The following FGF10 variants were observed in gnomAD, a reference collection of about 807,000 sequenced individuals.
FGF10 encodes the protein FGF-10.
A neutral mutation model predicts 19.8 loss-of-function variants in FGF10; 2 were observed. That is an observed-to-expected ratio of 0.10 (90% CI 0.04 to 0.32). FGF10 has a LOEUF of 0.32. Ranked by LOEUF, FGF10 falls within the 10% of genes least tolerant of loss-of-function variation. The pLI is 1.00. For synonymous variants in FGF10, 112 were observed against 94.0 expected, an observed-to-expected ratio of 1.19 and a Z score of -1.10; for missense variants, 191 against 246.3, an observed-to-expected ratio of 0.78 and a Z score of 1.50.
intron 1 of FGF10, among the ~76,000 whole-genome samples, chr5:44,318,383 C>A (rs1171615402): frequency 6.6e-6 from 1 of 152,148 alleles, no homozygotes; most frequent in Non-Finnish European, 1.5e-5. Context: ...TCTTTCCCCT[C>A]ATTTCCTTTA....
chr5:44,331,557 G>T (rs914678633), intron 1 of FGF10, among the ~76,000 whole-genome samples: 25 of 152,050 alleles, frequency 1.6e-4, no homozygotes, highest in Non-Finnish European at 3.2e-4. Flanking sequence ...TCTTTAAAAG[G>T]TCATTTTAAA....
At chr5:44,360,606 T>A (rs1402881940) in intron 1 of FGF10, among the ~76,000 whole-genome samples, 2 of 151,806 alleles carry the variant, frequency 1.3e-5, no homozygotes, top group East Asian at 3.9e-4. Context: ...ATTTTATATG[T>A]CATTTCTTTT....
chr5:44,321,908 G>A (rs528075796), intron 1 of FGF10, among the ~76,000 whole-genome samples: 1 of 152,164 alleles, frequency 6.6e-6, no homozygotes, highest in African/African-American at 2.4e-5. Context: ...ATTATAGGGT[G>A]CCCATCACCA....
At chr5:44,319,455 T>C (rs981569122) in intron 1 of FGF10, among the ~76,000 whole-genome samples, 4 of 152,148 alleles carry the variant, frequency 2.6e-5, no homozygotes, top group Non-Finnish European at 4.4e-5. Flanking sequence ...TGATATTGGG[T>C]TTCCTGTAAG....
At chr5:44,324,430 AACGTACCTGGGTTC>A (rs1740565583) in intron 1 of FGF10, among the ~76,000 whole-genome samples, 1 of 152,162 alleles carries the variant, frequency 6.6e-6, no homozygotes, top group Admixed American at 6.5e-5. Flanking sequence ...ACTTCTTTTT[AACGTACCTGGGTTC>A]AGCTAGATAA....
At chr5:44,343,125 A>G (rs1288054727) in intron 1 of FGF10, among the ~76,000 whole-genome samples, 1 of 152,006 alleles carries the variant, frequency 6.6e-6, no homozygotes, top group African/African-American at 2.4e-5. Flanking sequence ...TACAAAAATA[A>G]TTTTTCATTT....
At chr5:44,378,778 TC>T (rs1276070225) in intron 1 of FGF10, among the ~76,000 whole-genome samples, 3 of 152,194 alleles carry the variant, frequency 2.0e-5, no homozygotes, top group Non-Finnish European at 4.4e-5. Context: ...CCTTCCTGCC[TC>T]TTTCCTCAAT....
rs1025328168 is a variant in FGF10, at chr5:44,302,263, C to T, written c.*2732G>A. ...TCTCCTTCCTTCCCTCCCTTCTTTCCTTCCTTCCTTCTTTCCTTGCTTCCT... is the reference window on the plus strand; with the variant it reads ...TCTCCTTCCTTCCCTCCCTTCTTTCTTTCCTTCCTTCTTTCCTTGCTTCCT... On this transcript the variant is annotated 3_prime_UTR_variant, in exon 3 of 3. Coordinates refer to ENST00000264664, the MANE Select transcript of FGF10 (RefSeq NM_004465.2). Among the ~76,000 whole-genome samples, 2 of 148,962 alleles carry T rather than the reference C, an allele frequency of 1.3e-5. No individual in the cohort carries two copies. The highest frequency in any genetic ancestry group is 5.0e-5 in the African/African-American group (2 of 40,138).
intron 1 of FGF10, among the ~76,000 whole-genome samples, chr5:44,326,896 G>A (rs75008437): frequency 0.18 from 27,602 of 152,002 alleles, 2,810 homozygotes; most frequent in Admixed American, 0.3. Flanking sequence ...AGAAGTGCTC[G>A]GTGTTCTTTC....
At chr5:44,344,417 G>A (rs1333161658) in intron 1 of FGF10, among the ~76,000 whole-genome samples, 1 of 151,838 alleles carries the variant, frequency 6.6e-6, no homozygotes, top group Non-Finnish European at 1.5e-5. Context: ...TGTGTCATTT[G>A]AAAGTTGTTA....
intron 1 of FGF10, among the ~76,000 whole-genome samples, chr5:44,320,867 G>A (rs12518964): frequency 0.026 from 3,991 of 151,838 alleles, 129 homozygotes; most frequent in East Asian, 0.1. Flanking sequence ...GGCATGTGCC[G>A]CCATGCCTGA....
At chr5:44,307,861 C>CA (rs948630047) in intron 2 of FGF10, among the ~76,000 whole-genome samples, 6 of 152,032 alleles carry the variant, frequency 3.9e-5, no homozygotes, top group Admixed American at 1.3e-4. Context: ...TAAAGTTACA[C>CA]AAAAAAGAAT....
chr5:44,385,436 A>G (rs996950786), intron 1 of FGF10, among the ~76,000 whole-genome samples: 1 of 152,204 alleles, frequency 6.6e-6, no homozygotes, highest in Non-Finnish European at 1.5e-5. Context: ...TCTGCTGGCA[A>G]AAAGCCAGAA....
intron 1 of FGF10, among the ~76,000 whole-genome samples, chr5:44,321,473 T>C (rs1456307066): frequency 6.6e-6 from 1 of 152,178 alleles, no homozygotes; most frequent in African/African-American, 2.4e-5. Flanking sequence ...TGAATGAATA[T>C]ATATCAAGAA....
intron 2 of FGF10, among the ~76,000 whole-genome samples, chr5:44,309,973 G>C (rs1740170955): frequency 6.6e-6 from 1 of 152,074 alleles, no homozygotes; most frequent in Admixed American, 6.6e-5. Flanking sequence ...AAGCAAAATG[G>C]TGTTTCTTGA....
At chr5:44,384,877 G>T (rs1263026802) in intron 1 of FGF10, among the ~76,000 whole-genome samples, 1 of 151,814 alleles carries the variant, frequency 6.6e-6, no homozygotes, top group African/African-American at 2.4e-5. Flanking sequence ...ATTCTTAATT[G>T]TCTCAAGTTT....
At chr5:44,388,155 A>G (rs1579951562) in intron 1 of FGF10, among the ~76,000 whole-genome samples, 1 of 117,922 alleles carries the variant, frequency 8.5e-6, no homozygotes, top group African/African-American at 3.4e-5. Flanking sequence ...ATGTGAAGGG[A>G]GCGCGCTTAG....
At position 44,352,860 on chromosome 5, in the gene FGF10, C is replaced by T. The variant is rs188793177; in HGVS notation, c.325+35498G>A. ...TTTGAACGAGTTAATTATAATATGTCCTCAATAAATGCTAACAGAAGTTGT... is the reference window on the plus strand; with the variant it reads ...TTTGAACGAGTTAATTATAATATGTTCTCAATAAATGCTAACAGAAGTTGT... On this transcript the variant is annotated intron_variant, in intron 1 of 2. Coordinates refer to ENST00000264664, the MANE Select transcript of FGF10 (RefSeq NM_004465.2). 1.6e-4 allele frequency among the ~76,000 whole-genome samples: 24 copies of T among 151,622 alleles called. No individual in the cohort carries two copies. The East Asian group carries it at 3.9e-3, about 25-fold the overall frequency.
intron 1 of FGF10, among the ~76,000 whole-genome samples, chr5:44,335,021 T>G (rs1233173436): frequency 6.6e-6 from 1 of 152,166 alleles, no homozygotes; most frequent in South Asian, 2.1e-4. Flanking sequence ...GTATTTGATT[T>G]AATTTAATCT....
Sources: allele counts gnomAD v4.1 joint callset (sites outside exome capture counted in the v4.1 genomes callset), GRCh38; gene constraint gnomAD v4.1.1; transcripts MANE v1.5; gene names NCBI Gene and HGNC (gene_info 2026-07-23, HGNC 2026-07-21).